Variants in MDGA2 observed in about 807,000 individuals in gnomAD.
MDGA2 encodes MAM domain containing glycosylphosphatidylinositol anchor 2, also known as MAM domain-containing glycosylphosphatidylinositol anchor protein 2.
In MDGA2, 40 loss-of-function variants were observed where a neutral mutation model predicts 117.8. The observed-to-expected ratio is 0.34, with a 90% confidence interval of 0.26 to 0.44. The LOEUF is 0.44. Among genes scored for constraint, MDGA2 ranks in the 20% least tolerant of loss-of-function variants. The pLI is 1.00. For synonymous variants in MDGA2, 452 were observed against 439.0 expected (o/e 1.03, Z -0.37); for missense variants, 1,123 against 1,250.6 (o/e 0.90, Z 1.54).
chr14:47,206,618 G>A lies in MDGA2; in HGVS notation c.595+11403C>T, dbSNP rs566966329. Reference sequence around the variant, plus strand: ...TAAGTATATAGGTAGGGCTGGGTGCGGTGGCTCACACCTGTAATCCCAGCA... The same window carrying A: ...TAAGTATATAGGTAGGGCTGGGTGCAGTGGCTCACACCTGTAATCCCAGCA... On this transcript the variant is annotated intron_variant, in intron 3 of 16. Transcript: ENST00000399232. 1.6e-3 allele frequency among the ~76,000 whole-genome samples: 243 copies of A among 152,002 alleles called. 2 individuals carry two copies. Among genetic ancestry groups the A allele is most frequent in the African/African-American group, 5.5e-3 (228 of 41,520 alleles).
At chr14:46,984,576 T>G (rs1886798272) in intron 8 of MDGA2, among the ~76,000 whole-genome samples, 1 of 151,942 alleles carries the variant, frequency 6.6e-6, no homozygotes, top group South Asian at 2.1e-4. Context: ...CTGTCCCCAT[T>G]ACATTTCTCA....
intron 1 of MDGA2, among the ~76,000 whole-genome samples, chr14:47,477,999 C>G (rs914510980): frequency 1.3e-5 from 2 of 152,192 alleles, no homozygotes; most frequent in Non-Finnish European, 2.9e-5. Context: ...CCCACCGTAT[C>G]TTGCTGCTTT....
chr14:47,157,593 A>ATG (rs1451729821), intron 3 of MDGA2, among the ~76,000 whole-genome samples: 50 of 125,286 alleles, frequency 4.0e-4, no homozygotes, highest in East Asian at 7.0e-4. Context: ...CTATGTACAT[A>ATG]TATGTGTGTG....
At chr14:47,330,116 T>C (rs1890251897) in intron 1 of MDGA2, among the ~76,000 whole-genome samples, 1 of 151,968 alleles carries the variant, frequency 6.6e-6, no homozygotes, top group South Asian at 2.1e-4. Flanking sequence ...TACACCTATA[T>C]GTATATTTCA....
Position 47,630,092 on chromosome 14 carries a change from A to C in MDGA2, c.280+44425T>G, listed in dbSNP as rs1183109240. On this transcript the variant is annotated intron_variant, in intron 1 of 16. Transcript: ENST00000399232. ...CAGTACTTCTGATACTAAAAAAAAA[A>C]AGGATGTATACCATTTTTGTGAAGG... 7.3e-4 allele frequency among the ~76,000 whole-genome samples: 111 copies of C among 152,168 alleles called. 1 individual carries two copies. Among genetic ancestry groups the C allele is most frequent in the Non-Finnish European group, 4.4e-5 (3 of 68,034 alleles).
intron 10 of MDGA2, among the ~76,000 whole-genome samples, chr14:46,883,336 G>A (rs1033849908): frequency 6.6e-6 from 1 of 151,660 alleles, no homozygotes; most frequent in East Asian, 1.9e-4. Context: ...ACTGGCAAAA[G>A]AAGAAAAAAC....
In MDGA2 at chr14:47,523,434, C is replaced by A. The variant is rs146550165; in HGVS notation, c.280+151083G>T. ...ATTTTAAAGTGATTTGGAGAATGCC[C>A]TTAGTTCTATGTGTTAGTATGCTTT... is the stretch of plus-strand genomic sequence containing the variant. On this transcript the variant is annotated intron_variant, in intron 1 of 16. Coordinates refer to ENST00000399232, the MANE Select transcript of MDGA2 (RefSeq NM_001113498.3). Among the ~76,000 whole-genome samples the A allele has an allele frequency of 3.0e-4, 46 of 152,058 alleles. No individual in the cohort carries two copies. In the East Asian group the frequency reaches 8.7e-3, roughly 29 times the overall value.
At chr14:47,651,480 G>A (rs1897643352) in intron 1 of MDGA2, among the ~76,000 whole-genome samples, 1 of 152,114 alleles carries the variant, frequency 6.6e-6, no homozygotes, top group South Asian at 2.1e-4. Context: ...GGCCATATCT[G>A]GAGTGTGTGA....
chr14:47,600,732 A>T (rs1896632860), intron 1 of MDGA2, among the ~76,000 whole-genome samples: 2 of 151,952 alleles, frequency 1.3e-5, no homozygotes, highest in African/African-American at 4.8e-5. Context: ...TTAAAAAAAA[A>T]AAAAGTAGGG....
chr14:46,974,586 A>T (rs1044860878), intron 8 of MDGA2, among the ~76,000 whole-genome samples: 3 of 152,146 alleles, frequency 2.0e-5, no homozygotes, highest in African/African-American at 7.2e-5. Context: ...TATATGGTAA[A>T]ATTATTTTGT....
chr14:47,425,058 A>G (rs1892658161), intron 1 of MDGA2, among the ~76,000 whole-genome samples: 1 of 152,168 alleles, frequency 6.6e-6, no homozygotes, highest in Non-Finnish European at 1.5e-5. Context: ...CTCCCAAGGT[A>G]GACCTTCAAA....
chr14:46,974,698 T>C (rs1017385106), intron 8 of MDGA2, among the ~76,000 whole-genome samples: 1 of 152,140 alleles, frequency 6.6e-6, no homozygotes, highest in Non-Finnish European at 1.5e-5. Flanking sequence ...GTTAGATCAC[T>C]ATGTACAGAA....
At chr14:47,030,983 A>G (rs1888644489) in intron 8 of MDGA2, among the ~76,000 whole-genome samples, 1 of 152,120 alleles carries the variant, frequency 6.6e-6, no homozygotes, top group Non-Finnish European at 1.5e-5. Context: ...GTTACTCTTA[A>G]CAGGATATAG....
At chr14:47,225,490 G>T (rs1345730900) in intron 2 of MDGA2, among the ~76,000 whole-genome samples, 2 of 151,940 alleles carry the variant, frequency 1.3e-5, no homozygotes, top group Non-Finnish European at 2.9e-5. Context: ...CATAAAAAAG[G>T]ATGAGTTCAT....
chr14:47,619,380 T>C (rs563013975), intron 1 of MDGA2, among the ~76,000 whole-genome samples: 75 of 152,308 alleles, frequency 4.9e-4, no homozygotes, highest in Non-Finnish European at 1.3e-4. Flanking sequence ...AAGAAATGGA[T>C]AGCTTATTTT....
intron 7 of MDGA2, among the ~76,000 whole-genome samples, chr14:47,053,652 T>TACAC (rs1244737107): frequency 2.4e-4 from 22 of 91,756 alleles, no homozygotes; most frequent in Admixed American, 5.7e-4. Flanking sequence ...TATATATATA[T>TACAC]ATACACACAC....
At chr14:47,242,645 G>A (rs973049619) in intron 2 of MDGA2, among the ~76,000 whole-genome samples, 10 of 151,942 alleles carry the variant, frequency 6.6e-5, no homozygotes, top group South Asian at 2.1e-4. Context: ...CCAGCGCTGC[G>A]CTCGATTTCT....
At chr14:47,215,918 A>G (rs1033198423) in intron 3 of MDGA2, among the ~76,000 whole-genome samples, 1 of 151,958 alleles carries the variant, frequency 6.6e-6, no homozygotes, top group East Asian at 1.9e-4. Flanking sequence ...GCATGAGAAA[A>G]CCCCAAAGGA....
intron 1 of MDGA2, among the ~76,000 whole-genome samples, chr14:47,550,713 T>C (rs1895565331): frequency 6.6e-6 from 1 of 152,248 alleles, no homozygotes; most frequent in African/African-American, 2.4e-5. Flanking sequence ...TGCATCTTTG[T>C]AAACACTGCC....
Sources: gnomAD v4.1 joint callset for allele counts (sites outside exome capture counted in the v4.1 genomes callset) on GRCh38, gnomAD v4.1.1 for gene constraint, MANE v1.5 for transcripts, NCBI Gene and HGNC (gene_info 2026-07-23, HGNC 2026-07-21) for gene names.